FIG4: variants seen among roughly 807,000 people sequenced by gnomAD.
FIG4 encodes the protein FIG4 phosphoinositide 5-phosphatase, also known as polyphosphoinositide phosphatase.
In FIG4, 112 loss-of-function variants were observed where a neutral mutation model predicts 118.6. That is an observed-to-expected ratio of 0.94 (90% CI 0.81 to 1.11). FIG4 has a LOEUF of 1.11. Among genes scored for constraint, FIG4 ranks in the 50% least tolerant of loss-of-function variants. The pLI, the probability that FIG4 is intolerant of heterozygous loss-of-function variation, is 0.00. For missense variants in FIG4, 969 were observed against 1,111.7 expected (o/e 0.87, Z 1.83); for synonymous variants, 369 against 381.2 (o/e 0.97, Z 0.37).
chr6:109,795,111 T>TG (rs1778245340), intron 21 of FIG4, among the ~76,000 whole-genome samples: 3 of 95,208 alleles, frequency 3.2e-5, no homozygotes, highest in Admixed American at 2.9e-4. Flanking sequence ...TTTTTTTTTT[T>TG]TTTTTTTTTT....
At chr6:109,767,054 A>G (rs1359243231) in intron 15 of FIG4, among the ~76,000 whole-genome samples, 159 bp downstream of exon 15, 1 of 152,250 alleles carries the variant, frequency 6.6e-6, no homozygotes, top group East Asian at 1.9e-4. Flanking sequence ...TATTTGTCCA[A>G]TAAATGAATG....
At chr6:109,705,892 CT>C (rs1206719821) in intron 1 of FIG4, among the ~76,000 whole-genome samples, 1 of 152,180 alleles carries the variant, frequency 6.6e-6, no homozygotes, top group Non-Finnish European at 1.5e-5. Context: ...GATTTTACCT[CT>C]TTTAAACCTA....
chr6:109,792,278 C>CA (rs768826968), intron 20 of FIG4, among the ~76,000 whole-genome samples: 4 of 152,288 alleles, frequency 2.6e-5, no homozygotes, highest in Non-Finnish European at 4.4e-5. Flanking sequence ...CAGCATAACC[C>CA]AAAAAAGTTT....
rs1264436643 is a variant in FIG4, at chr6:109,796,753, T to A, written c.2460-12T>A. The stretch of plus-strand genomic sequence containing the variant: ...CCTTCTTTAGCTGACTCTTATCCAT[T>A]GTAATTTGTAGATTTGTTCAGCTGG... On this transcript the variant is annotated splice_polypyrimidine_tract_variant and intron_variant, in intron 21 of 22. Coordinates refer to ENST00000230124, the MANE Select transcript of FIG4 (RefSeq NM_014845.6). 1.3e-6 allele frequency: 2 copies of A among 1,548,670 alleles called. No individual in the cohort carries two copies. Among genetic ancestry groups the A allele is most frequent in the Non-Finnish European group, 1.8e-6 (2 of 1,120,356 alleles).
At chr6:109,756,424 C>T (rs1360467545) in intron 10 of FIG4, among the ~76,000 whole-genome samples, 3 of 151,720 alleles carry the variant, frequency 2.0e-5, no homozygotes, top group Non-Finnish European at 3.0e-5. Flanking sequence ...CTTGGAGTTG[C>T]TCTTCTCGAG....
intron 22 of FIG4, among the ~76,000 whole-genome samples, chr6:109,822,037 G>T (rs1278677135): frequency 2.0e-5 from 3 of 152,020 alleles, no homozygotes; most frequent in Non-Finnish European, 4.4e-5. Context: ...AAGACCCTGT[G>T]TCTTAAAAAA....
rs373590484 is a variant in FIG4 at position 109,791,534 on chromosome 6, A to G, written c.2339A>G (p.Lys780Arg). ...GSVSQRSTPV[K>R]MTDAGDSAKV... Reference sequence around the variant, plus strand: ...GTGTCTCAGCGCTCCACTCCCGTGAAGATGACTGATGCAGGAGACAGTGCC... The same window carrying G: ...GTGTCTCAGCGCTCCACTCCCGTGAGGATGACTGATGCAGGAGACAGTGCC... Residue 780 changes from lysine to arginine, a missense_variant, in exon 20 of 23, where the codon AAG becomes AGG. Transcript: ENST00000230124. The G allele has an allele frequency of 1.3e-5, 21 of 1,613,930 alleles. No homozygotes were observed. Among genetic ancestry groups the G allele is most frequent in the Non-Finnish European group, 1.7e-5 (20 of 1,180,030 alleles).
intron 8 of FIG4, among the ~76,000 whole-genome samples, 177 bp downstream of exon 8, chr6:109,741,721 A>G (rs1776330251): frequency 6.6e-6 from 1 of 152,180 alleles, no homozygotes; most frequent in Non-Finnish European, 1.5e-5. Flanking sequence ...CTTCCCATCC[A>G]AAATCCACAG....
intron 15 of FIG4, among the ~76,000 whole-genome samples, chr6:109,772,123 G>A (rs1777485122): frequency 6.6e-6 from 1 of 152,098 alleles, no homozygotes; most frequent in Admixed American, 6.5e-5. Context: ...CAAATCTAAT[G>A]TTTACTCTTC....
At chr6:109,757,465 A>T (rs565888567) in intron 10 of FIG4, among the ~76,000 whole-genome samples, 10 of 152,218 alleles carry the variant, frequency 6.6e-5, no homozygotes, top group Non-Finnish European at 1.5e-4. Context: ...ACATATCTCA[A>T]AATAATAAGA....
intron 1 of FIG4, among the ~76,000 whole-genome samples, chr6:109,694,284 A>G (rs1774641283): frequency 6.6e-6 from 1 of 152,218 alleles, no homozygotes; most frequent in Non-Finnish European, 1.5e-5. Flanking sequence ...TAGCGTTCCA[A>G]TAACGGAACA....
rs764738187 is a variant in FIG4 at position 109,725,133 on chromosome 6, G to A, written c.290-1976G>A. ...AAGTTCTGGGATACATGTGCAGAAT[G>A]TGCAGGTTTGTTACATAGGTATACA... On this transcript the variant is annotated intron_variant, in intron 3 of 22. Transcript: ENST00000230124. 2.8e-4 allele frequency among the ~76,000 whole-genome samples: 43 copies of A among 152,172 alleles called. 1 individual carries two copies. The Middle Eastern group carries it at 0.01, about 36-fold the overall frequency.
In FIG4 at chr6:109,695,458, G is replaced by A. The variant is rs190985093; in HGVS notation, c.66+3957G>A. 5.9e-5 allele frequency among the ~76,000 whole-genome samples: 9 copies of A among 152,316 alleles called. No individual in the cohort carries two copies. In the East Asian group the frequency reaches 1.7e-3, roughly 29 times the overall value. On this transcript the variant is annotated intron_variant, in intron 1 of 22. Transcript: ENST00000230124. Reference sequence around the variant, plus strand: ...CATTGTTGTGGTGGAGAAGGACTCTGTGATGGAGCTTCCTGGGTATTTTTC... The same window carrying A: ...CATTGTTGTGGTGGAGAAGGACTCTATGATGGAGCTTCCTGGGTATTTTTC...
intron 22 of FIG4, among the ~76,000 whole-genome samples, chr6:109,816,328 GA>G (rs1301583669): frequency 6.6e-6 from 1 of 152,122 alleles, no homozygotes; most frequent in East Asian, 1.9e-4. Context: ...GGAAAACTCT[GA>G]AAAGATGCAG....
chr6:109,792,540 A>C (rs1778162559), intron 20 of FIG4, 42 bp from the exon 21 acceptor site: 3 of 1,274,722 alleles, frequency 2.4e-6, no homozygotes, highest in Non-Finnish European at 3.4e-6. Context: ...CTATATGTCT[A>C]AAAATTCTTC....
At chr6:109,796,127 G>A (rs9374124) in intron 21 of FIG4, among the ~76,000 whole-genome samples, 1 of 152,248 alleles carries the variant, frequency 6.6e-6, no homozygotes, top group Non-Finnish European at 1.5e-5. Context: ...TCAAGTCTGA[G>A]AAGTGCTGTT....
chr6:109,745,383 TAA>T (rs1406898062), intron 10 of FIG4, among the ~76,000 whole-genome samples: 1 of 152,234 alleles, frequency 6.6e-6, no homozygotes, highest in African/African-American at 2.4e-5. Flanking sequence ...TGCATTTTTC[TAA>T]TGACCAGTGA....
intron 10 of FIG4, among the ~76,000 whole-genome samples, chr6:109,744,179 G>A (rs1002663610): frequency 1.3e-5 from 2 of 152,002 alleles, no homozygotes; most frequent in Admixed American, 6.6e-5. Context: ...GCTCCCCTGG[G>A]CAAATTAATT....
intron 3 of FIG4, among the ~76,000 whole-genome samples, chr6:109,726,355 G>A (rs1775813974): frequency 6.6e-6 from 1 of 152,166 alleles, no homozygotes; most frequent in Non-Finnish European, 1.5e-5. Context: ...ATTAAATAGG[G>A]AATCCTTTCC....
Sources: allele counts gnomAD v4.1 joint callset (sites outside exome capture counted in the v4.1 genomes callset), GRCh38; gene constraint gnomAD v4.1.1; transcripts MANE v1.5; gene names NCBI Gene and HGNC (gene_info 2026-07-23, HGNC 2026-07-21).